The following NHSL1 variants were observed in gnomAD, a reference collection of about 807,000 sequenced individuals.
NHSL1 encodes the protein NHS like 1, also known as NHS-like protein 1.
In NHSL1, 48 loss-of-function variants were observed where a neutral mutation model predicts 95.0. That is an observed-to-expected ratio of 0.51 (90% CI 0.40 to 0.64). The LOEUF (loss-of-function observed/expected upper bound fraction) is 0.64. NHSL1 is among the 30% of genes least tolerant of loss of function. The pLI is 0.00. For synonymous variants in NHSL1, 783 were observed against 833.9 expected (o/e 0.94, Z 1.05); for missense variants, 1,971 against 2,077.7 (o/e 0.95, Z 1.00).
chr6:138,677,667 C>T (rs1361080983), intron 1 of NHSL1, among the ~76,000 whole-genome samples: 1 of 152,148 alleles, frequency 6.6e-6, no homozygotes, highest in Non-Finnish European at 1.5e-5. Context: ...AAGCAGAGCC[C>T]ACATGCTAAG....
rs76612191 is a variant in NHSL1 at position 138,515,320 on chromosome 6, A to G, written c.17-18949T>C. 2.6e-3 allele frequency among the ~76,000 whole-genome samples: 391 copies of G among 152,346 alleles called. 1 individual carries two copies. The highest frequency in any genetic ancestry group is 4.3e-3 in the Non-Finnish European group (291 of 68,020). Reference sequence around the variant, plus strand: ...AGCTTTTAACTGGAGACAAAAGTTCATTCACAGAAATCAGTTCATTCATCT... The same window carrying G: ...AGCTTTTAACTGGAGACAAAAGTTCGTTCACAGAAATCAGTTCATTCATCT... On this transcript the variant is annotated intron_variant, in intron 1 of 4. Transcript: ENST00000342260.
intron 1 of NHSL1, among the ~76,000 whole-genome samples, chr6:138,536,602 CTTTTTTTTTTTTTT>C (rs563509738): frequency 2.5e-5 from 2 of 80,020 alleles, no homozygotes; most frequent in Non-Finnish European, 4.9e-5. Context: ...CATATGTCAT[CTTTTTTTTTTTTTT>C]TTTTTTTTTT....
chr6:138,608,439 CA>C (rs1271486526), intron 1 of NHSL1, among the ~76,000 whole-genome samples: 4 of 152,086 alleles, frequency 2.6e-5, no homozygotes, highest in Non-Finnish European at 4.4e-5. Flanking sequence ...TCAGTTGAAA[CA>C]GATAAAAAAT....
chr6:138,666,744 G>A (rs80036403), intron 1 of NHSL1, among the ~76,000 whole-genome samples: 1,815 of 152,056 alleles, frequency 0.012, 24 homozygotes, highest in African/African-American at 0.042. Flanking sequence ...ATGTATATAC[G>A]TATATTGATA....
At chr6:138,444,577 ATTTTTT>A (rs536970644) in intron 4 of NHSL1, among the ~76,000 whole-genome samples, 2 of 139,700 alleles carry the variant, frequency 1.4e-5, no homozygotes, top group Non-Finnish European at 3.1e-5. Flanking sequence ...TGAAATCGCC[ATTTTTT>A]TTTTTTTTTT....
At chr6:138,440,016 C>G (rs1776428488) in intron 5 of NHSL1, among the ~76,000 whole-genome samples, 1 of 152,152 alleles carries the variant, frequency 6.6e-6, no homozygotes, top group Admixed American at 6.5e-5. Context: ...ATTTGTAACT[C>G]TCATTCTAGA....
At position 138,430,588 on chromosome 6, in the gene NHSL1, A is replaced by C. The variant is rs1775568419; in HGVS notation, c.3757T>G (p.Ser1253Ala). Residue 1253 changes from serine (S) to alanine (A), a missense_variant, in exon 6 of 8, where the codon TCT becomes GCT. Around this residue, in one of 3 missense-constraint regions of NHSL1, gnomAD observed 1,602 missense variants for 1,654.5 expected, o/e 0.97. Transcript: ENST00000343505. The surrounding 1 kb of genome is among the most constrained non-coding windows in gnomAD (Gnocchi z 4.7). ...GAGGTGCCAGGGTGCGTGGCATGAG[A>C]GCCAGCTTGGGCTGCAGAACTCTCT... is the stretch of plus-strand genomic sequence containing the variant. The part of the protein sequence containing the change: ...AKESSAAQAG[S>A]HATHPGTSVL... 1.5e-5 allele frequency: 23 copies of C among 1,550,358 alleles called. No homozygotes were observed. The highest frequency in any genetic ancestry group is 1.9e-5 in the Non-Finnish European group (22 of 1,146,012).
At chr6:138,481,152 T>C (rs1779394102) in intron 2 of NHSL1, among the ~76,000 whole-genome samples, 2 of 152,188 alleles carry the variant, frequency 1.3e-5, no homozygotes, top group African/African-American at 2.4e-5. Flanking sequence ...AATGAAGTAT[T>C]GTATAGCTAA....
rs76665276 is a variant in NHSL1 at position 138,472,883 on chromosome 6, A to C, written c.339+423T>G. Among the ~76,000 whole-genome samples, 82 of 152,346 alleles carry C rather than the reference A, an allele frequency of 5.4e-4. No individual in the cohort carries two copies. In the East Asian group the frequency reaches 0.013, roughly 24 times the overall value. On this transcript the variant is annotated intron_variant, in intron 3 of 7. Transcript: ENST00000343505. ...ACTGTAAACAGTGGGTTCTGCTATT[A>C]TGATCAGAGTTCTTCTTTGTCATAC...
At chr6:138,659,740 G>A (rs1373361831) in intron 1 of NHSL1, among the ~76,000 whole-genome samples, 2 of 136,710 alleles carry the variant, frequency 1.5e-5, no homozygotes, top group Non-Finnish European at 1.6e-5. Context: ...TTTTTGAGAT[G>A]GAGTCTCACT....
At chr6:138,480,179 A>C (rs1185445196) in intron 2 of NHSL1, among the ~76,000 whole-genome samples, 1 of 152,226 alleles carries the variant, frequency 6.6e-6, no homozygotes, top group Non-Finnish European at 1.5e-5. Flanking sequence ...AGAACCCCAG[A>C]ATATCAAAAT....
chr6:138,572,847 G>GTAGATAGATAGA (rs60380179), upstream of NHSL1, among the ~76,000 whole-genome samples: 25,979 of 149,696 alleles, frequency 0.17, 2,556 homozygotes, highest in East Asian at 0.26. Context: ...GCTTAATACA[G>GTAGATAGATAGA]TAGATAGATA....
At chr6:138,628,351 CA>C (rs1784773376) in intron 1 of NHSL1, among the ~76,000 whole-genome samples, 1 of 151,708 alleles carries the variant, frequency 6.6e-6, no homozygotes, top group Non-Finnish European at 1.5e-5. Context: ...TCCATAGATC[CA>C]TTATGATCCA....
Position 138,432,942 on chromosome 6 carries a change from C to T in NHSL1, c.1403G>A (p.Gly468Asp), listed in dbSNP as rs1052903534. ...GGCATGGCCCTCATTCCAGTGGCGA[C>T]CGGGAGACTGAGGATCACCTTTCAC... The part of the protein sequence containing the change: ...HAVKGDPQSP[G>D]RHWNEGHATI... Residue 468 changes from glycine to aspartate, a missense_variant, in exon 6 of 8, where the codon GGT becomes GAT. Coordinates refer to ENST00000343505, the MANE Select transcript of NHSL1 (RefSeq NM_001144060.2). The surrounding 1 kb of genome is among the most constrained non-coding windows in gnomAD (Gnocchi z 4.4). 1.9e-6 allele frequency: 3 copies of T among 1,551,536 alleles called. No homozygotes were observed. Among genetic ancestry groups the T allele is most frequent in the Non-Finnish European group, 2.6e-6 (3 of 1,146,850 alleles).
intron 1 of NHSL1, among the ~76,000 whole-genome samples, chr6:138,636,820 A>G (rs1784894523): frequency 6.6e-6 from 1 of 152,212 alleles, no homozygotes; most frequent in Non-Finnish European, 1.5e-5. Context: ...CAACATTGTT[A>G]AAATGTTCAC....
chr6:138,437,445 CAAAAAAAAAAA>C (rs1202687511), intron 5 of NHSL1, among the ~76,000 whole-genome samples: 4 of 61,810 alleles, frequency 6.5e-5, no homozygotes, highest in African/African-American at 2.5e-4. Flanking sequence ...CACACACACA[CAAAAAAAAAAA>C]AAAAAAATAC....
intron 1 of NHSL1, among the ~76,000 whole-genome samples, chr6:138,520,210 C>G (rs2128307886): frequency 6.6e-6 from 1 of 151,162 alleles, no homozygotes; most frequent in East Asian, 1.9e-4. Flanking sequence ...CAATAACTAA[C>G]CAATAAAATT....
chr6:138,457,201 T>C lies in NHSL1; in HGVS notation c.340-10008A>G, dbSNP rs543846858. Among the ~76,000 whole-genome samples, 28 of 152,318 alleles carry C rather than the reference T, an allele frequency of 1.8e-4. 1 individual carries two copies. In the South Asian group the frequency reaches 5.6e-3, roughly 30 times the overall value. On this transcript the variant is annotated intron_variant, in intron 3 of 7. Coordinates refer to ENST00000343505, the MANE Select transcript of NHSL1 (RefSeq NM_001144060.2). The stretch of plus-strand genomic sequence containing the variant: ...TGGCTTATTTTCTGGAATTTCTAAA[T>C]TGCTTTGCCAACAGTATTTTTTTCA...
chr6:138,483,617 C>T (rs1303324126), intron 2 of NHSL1, among the ~76,000 whole-genome samples: 1 of 152,200 alleles, frequency 6.6e-6, no homozygotes, highest in Non-Finnish European at 1.5e-5. Flanking sequence ...GTGACCTCCA[C>T]CTGGTCTCCT....
Sources: gnomAD v4.1 joint callset for allele counts (sites outside exome capture counted in the v4.1 genomes callset) on GRCh38, gnomAD v4.1.1 for gene constraint, gnomAD v4.1.1 regional missense constraint, Gnocchi (gnomAD v3.1) non-coding constraint, MANE v1.5 for transcripts, NCBI Gene and HGNC (gene_info 2026-07-23, HGNC 2026-07-21) for gene names.